ARIH1: variants seen among roughly 807,000 people sequenced by gnomAD.
The protein encoded by ARIH1 is E3 ubiquitin-protein ligase ARIH1.
ARIH1 carries 8 observed loss-of-function variants against 85.0 expected under a neutral mutation model. The ratio of observed to expected loss-of-function variants is 0.09; its 90% CI spans 0.06 to 0.17. The LOEUF is 0.17. ARIH1 is among the 10% of genes least tolerant of loss of function. The pLI is 1.00. For synonymous variants in ARIH1, 238 were observed against 253.6 expected (o/e 0.94, Z 0.59); for missense variants, 311 against 718.1 (o/e 0.43, Z 6.48).
intron 1 of ARIH1, among the ~76,000 whole-genome samples, chr15:72,475,504 A>T (rs1349546774): frequency 6.6e-6 from 1 of 152,178 alleles, no homozygotes; most frequent in Admixed American, 6.5e-5. Flanking sequence ...ACCAGTTAAT[A>T]AAGAAATGGA....
chr15:72,547,071 G>C (rs1447946256), intron 3 of ARIH1, among the ~76,000 whole-genome samples: 8 of 151,704 alleles, frequency 5.3e-5, no homozygotes, highest in African/African-American at 1.9e-4. Context: ...GGGACTACAG[G>C]CGTCTGCCAT....
intron 1 of ARIH1, among the ~76,000 whole-genome samples, chr15:72,478,381 T>C (rs1362071177): frequency 1.3e-5 from 2 of 152,010 alleles, no homozygotes; most frequent in African/African-American, 4.8e-5. Flanking sequence ...CCTCCCAAAG[T>C]GCTGGGATTA....
intron 1 of ARIH1, among the ~76,000 whole-genome samples, chr15:72,497,968 C>G (rs949608616): frequency 2.0e-5 from 3 of 152,022 alleles, no homozygotes; most frequent in Non-Finnish European, 4.4e-5. Context: ...TCATAATATA[C>G]CATAGTAGGG....
chr15:72,507,248 C>T (rs1307030605), intron 1 of ARIH1, among the ~76,000 whole-genome samples: 1 of 152,090 alleles, frequency 6.6e-6, no homozygotes, highest in African/African-American at 2.4e-5. Flanking sequence ...TGGTCTCGAA[C>T]TCTGACCTCA....
chr15:72,542,618 C>A (rs952016442), intron 2 of ARIH1, among the ~76,000 whole-genome samples: 1 of 152,032 alleles, frequency 6.6e-6, no homozygotes, highest in Non-Finnish European at 1.5e-5. Context: ...CATTTAAAGA[C>A]AAAGGTGTCT....
rs1356033260 is a variant in ARIH1, at chr15:72,525,171, A to G, written c.443+7037A>G. 3.3e-5 allele frequency among the ~76,000 whole-genome samples: 5 copies of G among 152,218 alleles called. No homozygotes were observed. In the East Asian group the frequency reaches 9.6e-4, roughly 29 times the overall value. Reference sequence around the variant, plus strand: ...CTCCCAGAGTGCTGGGATTATAGGCATGAGCCACTGTGCCTGGCCAATTTA... The same window carrying G: ...CTCCCAGAGTGCTGGGATTATAGGCGTGAGCCACTGTGCCTGGCCAATTTA... On this transcript the variant is annotated intron_variant, in intron 2 of 13. Coordinates refer to ENST00000379887, the MANE Select transcript of ARIH1 (RefSeq NM_005744.5).
At chr15:72,485,085 C>T (rs1213197319) in intron 1 of ARIH1, among the ~76,000 whole-genome samples, 1 of 152,198 alleles carries the variant, frequency 6.6e-6, no homozygotes, top group Non-Finnish European at 1.5e-5. Flanking sequence ...TCCATGACAA[C>T]ATCTATTATT....
intron 3 of ARIH1, among the ~76,000 whole-genome samples, chr15:72,549,565 A>T (rs1595867374): frequency 6.6e-6 from 1 of 151,958 alleles, no homozygotes; most frequent in East Asian, 1.9e-4. Context: ...CCTACGTCCC[A>T]CCCTATTTTC....
At chr15:72,537,706 G>A (rs2064088923) in intron 2 of ARIH1, among the ~76,000 whole-genome samples, 1 of 152,086 alleles carries the variant, frequency 6.6e-6, no homozygotes, top group South Asian at 2.1e-4. Context: ...AATGTGGCTG[G>A]GGGGAGTTGA....
chr15:72,559,454 T>G (rs747688739), intron 5 of ARIH1, among the ~76,000 whole-genome samples: 1 of 152,042 alleles, frequency 6.6e-6, no homozygotes, highest in African/African-American at 2.4e-5. Context: ...GTATTTTTAG[T>G]AGAGACGAGG....
chr15:72,559,542 A>G (rs995100630), intron 5 of ARIH1, among the ~76,000 whole-genome samples: 4 of 152,166 alleles, frequency 2.6e-5, no homozygotes, highest in Non-Finnish European at 4.4e-5. Context: ...AAGTGCTAAG[A>G]TTACGGGCGT....
intron 1 of ARIH1, among the ~76,000 whole-genome samples, chr15:72,516,006 A>G (rs2063973400): frequency 6.6e-6 from 1 of 152,212 alleles, no homozygotes; most frequent in Non-Finnish European, 1.5e-5. Flanking sequence ...CCCTAACCAT[A>G]TTAAATAAAA....
At chr15:72,541,296 G>A (rs2064106356) in intron 2 of ARIH1, among the ~76,000 whole-genome samples, 1 of 152,188 alleles carries the variant, frequency 6.6e-6, no homozygotes, top group African/African-American at 2.4e-5. Flanking sequence ...CCGACACTCA[G>A]CTTTTCTCCC....
chr15:72,483,260 C>T (rs1443996954), intron 1 of ARIH1, among the ~76,000 whole-genome samples: 1 of 152,164 alleles, frequency 6.6e-6, no homozygotes, highest in Non-Finnish European at 1.5e-5. Flanking sequence ...GGTTGTTGCC[C>T]AGAGATATCA....
chr15:72,573,591 T>C (rs1051977473), intron 11 of ARIH1, among the ~76,000 whole-genome samples: 1 of 152,132 alleles, frequency 6.6e-6, no homozygotes, highest in Non-Finnish European at 1.5e-5. Flanking sequence ...TGGGAAATTA[T>C]ATTTTGTAAC....
At chr15:72,532,160 G>A (rs527579789) in intron 2 of ARIH1, among the ~76,000 whole-genome samples, 5 of 148,708 alleles carry the variant, frequency 3.4e-5, no homozygotes, top group Admixed American at 1.4e-4. Flanking sequence ...TCAAGAAGCC[G>A]TAAGATTTTT....
Position 72,474,464 on chromosome 15 carries a change from G to A in ARIH1, c.-176G>A. Reference sequence around the variant, plus strand: ...TCCCTCCCTCCTCCGCGCCCTCCCCGCCGCCACCAGCCGTCAAACGCCAAC... The same window carrying A: ...TCCCTCCCTCCTCCGCGCCCTCCCCACCGCCACCAGCCGTCAAACGCCAAC... On this transcript the variant is annotated 5_prime_UTR_variant, in exon 1 of 14. Transcript: ENST00000379887. 2 of 801,924 alleles carry A rather than the reference G, an allele frequency of 2.5e-6. No homozygotes were observed. The highest frequency in any genetic ancestry group is 3.7e-6 in the Non-Finnish European group (2 of 540,282). 49.7% of individuals were successfully genotyped at this position (801,924 alleles called of 1,614,324 possible).
At position 72,518,145 on chromosome 15, in the gene ARIH1, A is replaced by T. The variant is rs770547959; in HGVS notation, c.443+11A>T. On this transcript the variant is annotated intron_variant, in intron 2 of 13. Coordinates refer to ENST00000379887, the MANE Select transcript of ARIH1 (RefSeq NM_005744.5). ...GAAGCTAATGGAAAGGTAAGGAACTATATTGTCAGCTTTGTACTTAGAAGT... is the reference window on the plus strand; with the variant it reads ...GAAGCTAATGGAAAGGTAAGGAACTTTATTGTCAGCTTTGTACTTAGAAGT... The T allele has an allele frequency of 6.3e-7, 1 of 1,593,356 alleles. No homozygotes were observed. Among genetic ancestry groups the T allele is most frequent in the Non-Finnish European group, 8.6e-7 (1 of 1,163,320 alleles).
chr15:72,541,618 T>A (rs2064107816), intron 2 of ARIH1, among the ~76,000 whole-genome samples: 1 of 152,188 alleles, frequency 6.6e-6, no homozygotes, highest in African/African-American at 2.4e-5. Context: ...GGGATCTTTG[T>A]CAAATATTGA....
Sources: allele counts gnomAD v4.1 joint callset (sites outside exome capture counted in the v4.1 genomes callset), GRCh38; gene constraint gnomAD v4.1.1; transcripts MANE v1.5; gene names NCBI Gene and HGNC (gene_info 2026-07-23, HGNC 2026-07-21).